The following RBMS3 variants were observed in gnomAD, a reference collection of about 807,000 sequenced individuals.
The protein encoded by RBMS3 is RNA-binding motif, single-stranded-interacting protein 3.
RBMS3 carries 27 observed loss-of-function variants against 66.8 expected under a neutral mutation model. The ratio of observed to expected loss-of-function variants is 0.40; its 90% CI spans 0.30 to 0.56. The LOEUF (loss-of-function observed/expected upper bound fraction) is 0.56. Ranked by LOEUF, RBMS3 falls within the 20% of genes least tolerant of loss-of-function variation. The pLI, the probability that RBMS3 is intolerant of heterozygous loss-of-function variation, is 0.40. For missense variants in RBMS3, 513 were observed against 549.5 expected (o/e 0.93, Z 0.66); for synonymous variants, 188 against 183.0 (o/e 1.03, Z -0.22).
intron 6 of RBMS3, among the ~76,000 whole-genome samples, chr3:29,859,958 G>A (rs2059173567): frequency 6.6e-6 from 1 of 152,086 alleles, no homozygotes; most frequent in African/African-American, 2.4e-5. Flanking sequence ...GGCACATGTG[G>A]AAAAGAAAGT....
chr3:29,309,132 A>T (rs1017805253), intron 1 of RBMS3, among the ~76,000 whole-genome samples: 7 of 151,732 alleles, frequency 4.6e-5, no homozygotes, highest in Non-Finnish European at 1.0e-4. Flanking sequence ...ACTTTGATTC[A>T]TGGGCATGAA....
intron 4 of RBMS3, among the ~76,000 whole-genome samples, chr3:29,683,087 G>GA (rs1484145632): frequency 2.6e-5 from 4 of 152,130 alleles, no homozygotes; most frequent in Admixed American, 1.3e-4. Context: ...ATGGTGGGGT[G>GA]AAAAATCAAG....
chr3:29,848,726 T>A (rs1223834597), intron 6 of RBMS3, among the ~76,000 whole-genome samples: 1 of 152,182 alleles, frequency 6.6e-6, no homozygotes, highest in Non-Finnish European at 1.5e-5. Context: ...AAATTATTTT[T>A]AAAAAATAAA....
At chr3:29,663,904 T>C (rs567443332) in intron 4 of RBMS3, among the ~76,000 whole-genome samples, 1 of 152,340 alleles carries the variant, frequency 6.6e-6, no homozygotes, top group Non-Finnish European at 1.5e-5. Context: ...ACTCAATAGA[T>C]ATTTTGGATA....
chr3:29,835,201 T>C (rs2058473367), intron 6 of RBMS3, among the ~76,000 whole-genome samples: 1 of 151,972 alleles, frequency 6.6e-6, no homozygotes, highest in Admixed American at 6.6e-5. Context: ...GGAACTTCAA[T>C]ACCCAACTCT....
intron 2 of RBMS3, among the ~76,000 whole-genome samples, chr3:29,486,466 C>G (rs975048876): frequency 3.3e-5 from 5 of 152,022 alleles, no homozygotes; most frequent in African/African-American, 1.2e-4. Flanking sequence ...ATAAGGAAAT[C>G]AAGAAATAGT....
At chr3:29,839,344 G>A (rs74722997) in intron 6 of RBMS3, among the ~76,000 whole-genome samples, 1,525 of 152,182 alleles carry the variant, frequency 0.01, 29 homozygotes, top group African/African-American at 0.035. Flanking sequence ...CTCATAGTCA[G>A]GAAAGCTTCT....
At chr3:29,590,524 T>A (rs1257778494) in intron 4 of RBMS3, among the ~76,000 whole-genome samples, 1 of 152,108 alleles carries the variant, frequency 6.6e-6, no homozygotes, top group Non-Finnish European at 1.5e-5. Flanking sequence ...TATTGCCTAC[T>A]CTGTCTAGGC....
At chr3:29,323,619 G>C (rs926337594) in intron 1 of RBMS3, among the ~76,000 whole-genome samples, 1 of 151,254 alleles carries the variant, frequency 6.6e-6, no homozygotes, top group Non-Finnish European at 1.5e-5. Context: ...TGGTGCTCTT[G>C]ACACCCCTCT....
intron 1 of RBMS3, among the ~76,000 whole-genome samples, chr3:29,331,916 G>A (rs1296758831): frequency 6.9e-6 from 1 of 144,814 alleles, no homozygotes; most frequent in Admixed American, 7.3e-5. Context: ...TAGAGCACAG[G>A]CCACATACTA....
intron 3 of RBMS3, among the ~76,000 whole-genome samples, chr3:29,536,119 A>T (rs1315192590): frequency 1.1e-4 from 17 of 152,032 alleles, no homozygotes; most frequent in Non-Finnish European, 1.2e-4. Flanking sequence ...GTACTCTCAA[A>T]CTATTTTGTT....
At chr3:29,295,283 ATATATATATATACATATATATC>A (rs61149782) in intron 1 of RBMS3, among the ~76,000 whole-genome samples, 67,662 of 111,380 alleles carry the variant, frequency 0.61, 16,962 homozygotes, top group Middle Eastern at 0.66. Context: ...TTATATATAT[ATATATATATATACATATATATC>A]TATATATATA....
chr3:29,577,422 G>T (rs113240770), intron 3 of RBMS3, among the ~76,000 whole-genome samples: 269 of 152,308 alleles, frequency 1.8e-3, no homozygotes, highest in African/African-American at 6.3e-3. Context: ...TGTCTCCCTA[G>T]GTCTCATGCC....
chr3:29,771,492 A>G (rs1006176505), intron 6 of RBMS3, among the ~76,000 whole-genome samples: 1 of 152,042 alleles, frequency 6.6e-6, no homozygotes, highest in Non-Finnish European at 1.5e-5. Context: ...AGATCTGTAA[A>G]TCCTAATCCC....
At chr3:29,883,052 G>C (rs1347349074) in intron 7 of RBMS3, among the ~76,000 whole-genome samples, 1 of 150,706 alleles carries the variant, frequency 6.6e-6, no homozygotes, top group Non-Finnish European at 1.5e-5. Flanking sequence ...TTTTAAATTC[G>C]AAAAAAGAAA....
At chr3:29,339,379 G>A (rs1054395061) in intron 1 of RBMS3, among the ~76,000 whole-genome samples, 1 of 152,144 alleles carries the variant, frequency 6.6e-6, no homozygotes, top group African/African-American at 2.4e-5. Flanking sequence ...GCTGGTCTGA[G>A]CACCAGGAAG....
intron 3 of RBMS3, among the ~76,000 whole-genome samples, chr3:29,571,634 T>C (rs374284817): frequency 6.6e-6 from 1 of 152,188 alleles, no homozygotes; most frequent in African/African-American, 2.4e-5. Context: ...TTGGCCTATG[T>C]GTCTGTTTTT....
At chr3:29,890,222 C>A (rs924543478) in intron 8 of RBMS3, among the ~76,000 whole-genome samples, 1 of 151,614 alleles carries the variant, frequency 6.6e-6, no homozygotes, top group Non-Finnish European at 1.5e-5. Flanking sequence ...CATTTCTATG[C>A]ATGTGAGATG....
chr3:29,944,096 G>T, intron 11 of RBMS3, 111 bp from the exon 12 acceptor site: 1 of 883,094 alleles, frequency 1.1e-6, no homozygotes, highest in Non-Finnish European at 1.8e-6. Flanking sequence ...AGGCAGGGTG[G>T]GTCAGGCAAC....
Sources: allele counts gnomAD v4.1 joint callset (sites outside exome capture counted in the v4.1 genomes callset), GRCh38; gene constraint gnomAD v4.1.1; transcripts MANE v1.5; gene names NCBI Gene and HGNC (gene_info 2026-07-23, HGNC 2026-07-21).